The following SMARCA2 variants were observed in gnomAD, a reference collection of about 807,000 sequenced individuals.
SMARCA2 encodes SWI/SNF-related matrix-associated actin-dependent regulator of chromatin subfamily A member 2.
SMARCA2 carries 61 observed loss-of-function variants against 199.8 expected under a neutral mutation model. The ratio of observed to expected loss-of-function variants is 0.31; its 90% CI spans 0.25 to 0.38. The LOEUF is 0.38. Among genes scored for constraint, SMARCA2 ranks in the 10% least tolerant of loss-of-function variants. The pLI, the probability that SMARCA2 is intolerant of heterozygous loss-of-function variation, is 1.00. For missense variants in SMARCA2, 1,344 were observed against 2,012.2 expected, an observed-to-expected ratio of 0.67 and a Z score of 6.35; for synonymous variants, 935 against 732.0, an observed-to-expected ratio of 1.28 and a Z score of -4.48.
rs1365058927 is a variant in SMARCA2 at position 2,077,614 on chromosome 9, T to C, written c.2037-15T>C. On this transcript the variant is annotated splice_polypyrimidine_tract_variant and intron_variant, in intron 13 of 33. Coordinates refer to ENST00000349721, the MANE Select transcript of SMARCA2 (RefSeq NM_003070.5). ...CACATGTCTGTGTGTGATTCTCCAC[T>C]TTTTCCTTTCCCAGGACAGCTAAGC... 1 of 1,611,758 alleles carries C rather than the reference T, an allele frequency of 6.2e-7. No homozygotes were observed. The highest frequency in any genetic ancestry group is 2.2e-5 in the East Asian group (1 of 44,820).
At position 2,088,553 on chromosome 9, in the gene SMARCA2, G is replaced by C; in HGVS notation, c.2823G>C (p.Val941=). The C allele has an allele frequency of 6.3e-7, 1 of 1,598,534 alleles. No individual in the cohort carries two copies. The highest frequency in any genetic ancestry group is 8.5e-7 in the Non-Finnish European group (1 of 1,176,414). ...TGATCATCAGGCGTCTACATAAGGT[G>C]TTAAGACCATTTTTACTAAGGAGAC... The part of the protein sequence containing the change: ...TILIIRRLHK[V]LRPFLLRRLK... Residue 941 remains valine (V), a synonymous_variant, in exon 19 of 34, where the codon GTG becomes GTC. Coordinates refer to ENST00000349721, the MANE Select transcript of SMARCA2 (RefSeq NM_003070.5).
intron 29 of SMARCA2, among the ~76,000 whole-genome samples, chr9:2,173,721 A>G (rs2129766410): frequency 6.6e-6 from 1 of 152,208 alleles, no homozygotes; most frequent in South Asian, 2.1e-4. Flanking sequence ...GGAGATTCCC[A>G]GTACAGCCAG....
At chr9:2,112,206 A>T (rs1189586928) in intron 24 of SMARCA2, among the ~76,000 whole-genome samples, 2 of 152,142 alleles carry the variant, frequency 1.3e-5, no homozygotes, top group Admixed American at 1.3e-4. Flanking sequence ...GGAAGACGTG[A>T]TGTGACTCCT....
At chr9:2,076,494 G>A (rs908689593) in intron 13 of SMARCA2, among the ~76,000 whole-genome samples, 165 bp downstream of exon 13, 6 of 151,618 alleles carry the variant, frequency 4.0e-5, no homozygotes, top group Admixed American at 2.0e-4. Context: ...CCCAGGTCTC[G>A]GGGTTTCGTG....
intron 19 of SMARCA2, among the ~76,000 whole-genome samples, chr9:2,094,889 T>G (rs1822205560): frequency 1.3e-5 from 2 of 152,122 alleles, no homozygotes; most frequent in African/African-American, 4.8e-5. Context: ...GCGTTTTTCT[T>G]TACCCTTATC....
intron 21 of SMARCA2, among the ~76,000 whole-genome samples, chr9:2,099,845 C>G (rs142204927): frequency 1.5e-4 from 23 of 152,292 alleles, no homozygotes; most frequent in African/African-American, 5.3e-4. Flanking sequence ...TAACATGATG[C>G]TGTTACCTAA....
At chr9:2,153,529 C>T (rs1315065541) in intron 27 of SMARCA2, among the ~76,000 whole-genome samples, 1 of 151,968 alleles carries the variant, frequency 6.6e-6, no homozygotes, top group Non-Finnish European at 1.5e-5. Flanking sequence ...GAATGAGGCC[C>T]CGTCTAGAAT....
rs367986975 is a variant in SMARCA2 at position 2,168,033 on chromosome 9, C to CTT, written c.4200-2371_4200-2370dup. 3.8e-3 allele frequency among the ~76,000 whole-genome samples: 527 copies of CTT among 138,808 alleles called. 5 individuals are homozygous for CTT. Among genetic ancestry groups the CTT allele is most frequent in the African/African-American group, 0.013 (486 of 37,568 alleles). 91.1% of individuals were successfully genotyped at this position (138,808 alleles called of 152,430 possible). A position where few individuals can be genotyped will look rare whatever the true frequency, so the allele number is the denominator to read the frequency against. ...GGGGAAATGAGCTTTTTTTCTTTTTCTTTTTTTTTTTTTTTTGAGACAGTT... is the reference window on the plus strand; with the variant it reads ...GGGGAAATGAGCTTTTTTTCTTTTTCTTTTTTTTTTTTTTTTTTGAGACAGTT... On this transcript the variant is annotated intron_variant, in intron 28 of 33. Coordinates refer to ENST00000349721, the MANE Select transcript of SMARCA2 (RefSeq NM_003070.5).
At chr9:2,160,697 G>A (rs1028190367) in intron 27 of SMARCA2, 3 of 657,674 alleles carry the variant, frequency 4.6e-6, no homozygotes, top group South Asian at 1.7e-5. Context: ...GCAATATTGA[G>A]AGGCAGGAGG....
intron 29 of SMARCA2, among the ~76,000 whole-genome samples, chr9:2,178,148 C>T (rs1826753048): frequency 6.6e-6 from 1 of 152,068 alleles, no homozygotes; most frequent in South Asian, 2.1e-4. Context: ...CCATCTCGTA[C>T]TCTATGGTCT....
chr9:2,066,557 A>C (rs551372962), intron 9 of SMARCA2, among the ~76,000 whole-genome samples: 179 of 152,330 alleles, frequency 1.2e-3, no homozygotes, highest in African/African-American at 4.0e-3. Flanking sequence ...GTTATGAATA[A>C]TTCCTATCAT....
chr9:2,174,715 G>A lies in SMARCA2; in HGVS notation c.4253+4243G>A, dbSNP rs73376719. 5.8e-3 allele frequency among the ~76,000 whole-genome samples: 888 copies of A among 152,126 alleles called. 6 individuals are homozygous for A. Among genetic ancestry groups the A allele is most frequent in the African/African-American group, 0.02 (818 of 41,476 alleles). On this transcript the variant is annotated intron_variant, in intron 29 of 33. Coordinates refer to ENST00000349721, the MANE Select transcript of SMARCA2 (RefSeq NM_003070.5). ...GCAAGCGGATTGCTTCAGCTCAGGA[G>A]TCCGAGACCACCCGAGGCAAGATGG...
chr9:2,177,653 A>G (rs373417106), intron 29 of SMARCA2, among the ~76,000 whole-genome samples: 2 of 152,122 alleles, frequency 1.3e-5, no homozygotes, highest in African/African-American at 4.8e-5. Flanking sequence ...CCTGGGTTCA[A>G]GCAATTCTCC....
Position 2,039,665 on chromosome 9 carries a change from G to C in SMARCA2, c.555G>C (p.Gln185His). 2.5e-6 allele frequency: 4 copies of C among 1,614,162 alleles called. No homozygotes were observed. The highest frequency in any genetic ancestry group is 3.4e-6 in the Non-Finnish European group (4 of 1,180,038). The change falls in exon 4 of 34, where the codon CAG (glutamine) becomes CAC (histidine). Residue 185 changes from glutamine to histidine, a missense_variant. Around this residue, in one of 18 missense-constraint regions of SMARCA2, gnomAD observed 24 missense variants for 53.7 expected, o/e 0.45. Transcript: ENST00000349721. This position sits in a 1 kb window ranked among gnomAD's most constrained non-coding sequence, Gnocchi z 4.8. The stretch of plus-strand genomic sequence containing the variant: ...TCCAGCTGCATCAGCTTCGAGCTCA[G>C]ATTTTAGCTTATAAAATGCTGGCCC... ...SPVQLHQLRA[Q>H]ILAYKMLARG... is the part of the protein sequence containing the mutation.
chr9:2,191,653 C>G (rs1827893868), intron 33 of SMARCA2: 1 of 356,890 alleles, frequency 2.8e-6, no homozygotes, highest in Non-Finnish European at 5.1e-6. Context: ...TCAAGCTTCC[C>G]TTTCCCCCTT....
chr9:2,105,233 A>G (rs1012735417), intron 23 of SMARCA2, among the ~76,000 whole-genome samples: 1 of 147,192 alleles, frequency 6.8e-6, no homozygotes, highest in African/African-American at 2.5e-5. Flanking sequence ...GACAAACTTG[A>G]TTTTTTTTTT....
intron 33 of SMARCA2, 72 bp downstream of exon 33, chr9:2,191,480 G>T: frequency 1.3e-6 from 2 of 1,519,034 alleles, no homozygotes; most frequent in Non-Finnish European, 1.8e-6. Context: ...GCATTTCCAT[G>T]CCCCTTCAGC....
At chr9:2,155,720 C>CTTTTTTTTTTTT (rs59156319) in intron 27 of SMARCA2, among the ~76,000 whole-genome samples, 3 of 53,152 alleles carry the variant, frequency 5.6e-5, no homozygotes, top group East Asian at 7.6e-4. Flanking sequence ...AAGAGAAAAC[C>CTTTTTTTTTTTT]TTTTTTTTTT....
Position 2,017,941 on chromosome 9 carries a change from T to C in SMARCA2, c.-37+2537T>C, listed in dbSNP as rs1170423661. ...AATGGGCTCCTTGTCCTCCGATCGA[T>C]TGCGTGGAAAACTTTCCAGCGGGAG... On this transcript the variant is annotated intron_variant, in intron 1 of 33. Coordinates refer to ENST00000349721, the MANE Select transcript of SMARCA2 (RefSeq NM_003070.5). This position sits in a 1 kb window ranked among gnomAD's most constrained non-coding sequence, Gnocchi z 8.8. 3 of 152,210 alleles carry C rather than the reference T, an allele frequency of 2.0e-5. No homozygotes were observed. Among genetic ancestry groups the C allele is most frequent in the Non-Finnish European group, 4.4e-5 (3 of 68,050 alleles). 9.4% of individuals were successfully genotyped at this position (152,210 alleles called of 1,614,324 possible).
Sources: allele counts gnomAD v4.1 joint callset (sites outside exome capture counted in the v4.1 genomes callset), GRCh38; gene constraint gnomAD v4.1.1; regional missense constraint gnomAD v4.1.1; non-coding constraint Gnocchi (gnomAD v3.1); transcripts MANE v1.5; gene names NCBI Gene and HGNC (gene_info 2026-07-23, HGNC 2026-07-21).